SPNS2: variants seen among roughly 807,000 people sequenced by gnomAD.
The protein encoded by SPNS2 is sphingosine-1-phosphate transporter SPNS2.
In SPNS2, 37 loss-of-function variants were observed where a neutral mutation model predicts 57.6. The observed-to-expected ratio is 0.64, with a 90% CI of 0.49 to 0.85. The LOEUF is 0.85. SPNS2 is among the 40% of genes least tolerant of loss of function. The pLI, the probability that SPNS2 is intolerant of heterozygous loss-of-function variation, is 0.00. For synonymous variants in SPNS2, 440 were observed against 346.9 expected, an observed-to-expected ratio of 1.27 and a Z score of -2.98; for missense variants, 831 against 779.1, an observed-to-expected ratio of 1.07 and a Z score of -0.79.
At chr17:4,516,444 C>T (rs970432749) in intron 2 of SPNS2, among the ~76,000 whole-genome samples, 6 of 152,280 alleles carry the variant, frequency 3.9e-5, no homozygotes, top group African/African-American at 7.2e-5. Context: ...CCTGGCAGGC[C>T]GTGTGCTGGG....
chr17:4,522,796 C>G (rs1261818381), intron 2 of SPNS2, among the ~76,000 whole-genome samples: 1 of 152,242 alleles, frequency 6.6e-6, no homozygotes, highest in Non-Finnish European at 1.5e-5. Flanking sequence ...TAGGGTCCAC[C>G]CTACCTTGCT....
chr17:4,534,977 C>T (rs1177390940), intron 9 of SPNS2, among the ~76,000 whole-genome samples: 1 of 152,176 alleles, frequency 6.6e-6, no homozygotes, highest in Non-Finnish European at 1.5e-5. Context: ...GGAAACAGGG[C>T]CACTCGTTTC....
intron 6 of SPNS2, 22 bp downstream of exon 6, chr17:4,532,706 C>T: frequency 6.2e-7 from 1 of 1,610,456 alleles, no homozygotes; most frequent in East Asian, 2.2e-5. Context: ...GGGAAGGGGT[C>T]TGGTGGGAAG....
chr17:4,505,499 A>C (rs1357967284), intron 1 of SPNS2, among the ~76,000 whole-genome samples: 2 of 152,208 alleles, frequency 1.3e-5, no homozygotes, highest in Non-Finnish European at 2.9e-5. Flanking sequence ...CTGTCTACCC[A>C]GTCCTCAGCC....
rs760667115 is a variant in SPNS2, at chr17:4,532,801, C to T, written c.935+117C>T. On this transcript the variant is annotated intron_variant, in intron 6 of 12. Coordinates refer to ENST00000329078, the MANE Select transcript of SPNS2 (RefSeq NM_001124758.3). ...GCCAGACACCCCACCTCTGCTGTCT[C>T]AGTGCTGGGAGGGACATTTTGGCCC... is the stretch of plus-strand genomic sequence containing the variant. 13 of 1,462,890 alleles carry T rather than the reference C, an allele frequency of 8.9e-6. No individual in the cohort carries two copies. In the Middle Eastern group the frequency reaches 1.2e-3, roughly 133 times the overall value. 90.6% of individuals were successfully genotyped at this position (1,462,890 alleles called of 1,614,324 possible).
At chr17:4,502,481 T>C (rs1254944193) in intron 1 of SPNS2, among the ~76,000 whole-genome samples, 5 of 152,210 alleles carry the variant, frequency 3.3e-5, no homozygotes, top group African/African-American at 9.7e-5. Context: ...AGTATGTGTA[T>C]TTTCCATTCA....
chr17:4,534,098 G>A (rs531394819), intron 9 of SPNS2, among the ~76,000 whole-genome samples: 12 of 152,176 alleles, frequency 7.9e-5, no homozygotes, highest in Admixed American at 2.0e-4. Context: ...GGGGCATCTC[G>A]AGGCTCAGGT....
rs577340432 is a variant in SPNS2 at position 4,506,471 on chromosome 17, G to T, written c.371-6776G>T. 7.2e-5 allele frequency among the ~76,000 whole-genome samples: 11 copies of T among 152,302 alleles called. No homozygotes were observed. In the East Asian group the frequency reaches 2.1e-3, roughly 29 times the overall value. ...CCCTGGGCCAGGACAGGGCTGGGGA[G>T]GCTGAGCTGGGGAAGGAGTAGCCGT... On this transcript the variant is annotated intron_variant, in intron 1 of 12. Transcript: ENST00000329078.
intron 9 of SPNS2, among the ~76,000 whole-genome samples, chr17:4,534,835 A>G (rs1905694129): frequency 1.3e-5 from 2 of 152,050 alleles, no homozygotes; most frequent in Admixed American, 1.3e-4. Flanking sequence ...CGTGCAGATT[A>G]AGTGCTCTTG....
rs531741353 is a variant in SPNS2, at chr17:4,536,921, G to A, written c.1629G>A (p.Pro543=). Reference sequence around the variant, plus strand: ...CCAGGGTGAACCAGCTGGCGATGCCGCCCGCATCTGTGAAAGTCTGAGGTG... The same window carrying A: ...CCAGGGTGAACCAGCTGGCGATGCCACCCGCATCTGTGAAAGTCTGAGGTG... The part of the protein sequence containing the change: ...AEQQVNQLAM[P]PASVKV The change falls in exon 12 of 13, where the codon CCG becomes CCA. Residue 543 remains proline (P), a synonymous_variant. Transcript: ENST00000329078. 98 of 1,613,614 alleles carry A rather than the reference G, an allele frequency of 6.1e-5. No individual in the cohort carries two copies. Among genetic ancestry groups the A allele is most frequent in the Admixed American group, 3.5e-4 (21 of 59,952 alleles).
intron 9 of SPNS2, 21 bp from the exon 10 acceptor site, chr17:4,536,055 A>T (rs1490761751): frequency 6.2e-7 from 1 of 1,603,720 alleles, no homozygotes; most frequent in Non-Finnish European, 8.5e-7. Context: ...CTGGCCGCTG[A>T]CCTGCCCGCC....
chr17:4,532,748 C>A, intron 6 of SPNS2, 64 bp downstream of exon 6: 3 of 1,568,402 alleles, frequency 1.9e-6, no homozygotes, highest in South Asian at 1.2e-5. Flanking sequence ...AGGGCCTGTC[C>A]CTGCAGGGCA....
At chr17:4,509,674 C>T (rs755780958) in intron 1 of SPNS2, among the ~76,000 whole-genome samples, 4 of 152,232 alleles carry the variant, frequency 2.6e-5, no homozygotes, top group African/African-American at 4.8e-5. Flanking sequence ...GAGTAGGGGA[C>T]GTTGGCCTCA....
rs146660361 is a variant in SPNS2, at chr17:4,509,038, G to A, written c.371-4209G>A. On this transcript the variant is annotated intron_variant, in intron 1 of 12. Transcript: ENST00000329078. ...GAGGAGGCTGGACGATAAAGCAGAT[G>A]GAGAATCACCGGGGCCCATTCATGA... 8.5e-5 allele frequency among the ~76,000 whole-genome samples: 13 copies of A among 152,332 alleles called. No individual in the cohort carries two copies. The East Asian group carries it at 2.1e-3, about 25-fold the overall frequency.
intron 2 of SPNS2, among the ~76,000 whole-genome samples, chr17:4,514,106 T>G (rs1904923984): frequency 6.6e-6 from 1 of 152,200 alleles, no homozygotes; most frequent in South Asian, 2.1e-4. Flanking sequence ...GCTGAGGCCA[T>G]GTTGGCGATG....
chr17:4,536,353 G>A lies in SPNS2; in HGVS notation c.1534G>A (p.Val512Met), dbSNP rs867873928. 8.1e-6 allele frequency: 13 copies of A among 1,610,754 alleles called. No homozygotes were observed. The highest frequency in any genetic ancestry group is 2.2e-5 in the East Asian group (1 of 44,874). ...CGCGCTCATGCTCTGCCCTTTCGTC[G>A]TGGTCCTGGGCGGCATGTTCTTCCT... The part of the protein sequence containing the change: ...GYALMLCPFV[V>M]VLGGMFFLAT... Residue 512 changes from valine to methionine, a missense_variant, in exon 11 of 13, where the codon GTG becomes ATG. Coordinates refer to ENST00000329078, the MANE Select transcript of SPNS2 (RefSeq NM_001124758.3).
rs1336966117 is a variant in SPNS2, at chr17:4,539,032, A to G, written c.*1584A>G. On this transcript the variant is annotated 3_prime_UTR_variant, in exon 13 of 13. Coordinates refer to ENST00000329078, the MANE Select transcript of SPNS2 (RefSeq NM_001124758.3). ...TAAATGAAGAAATAAACCTATTTAA[A>G]TCACCCCCTGGTGGCTCCCTCACAG... 1 of 892,496 alleles carries G rather than the reference A, an allele frequency of 1.1e-6. No homozygotes were observed. Among genetic ancestry groups the G allele is most frequent in the Non-Finnish European group, 1.9e-6 (1 of 521,484 alleles). The allele number at this position is 892,496 out of a possible 1,614,324, so 55.3% of individuals were successfully genotyped here. A position where few individuals can be genotyped will look rare whatever the true frequency, so the allele number is the denominator to read the frequency against.
chr17:4,533,761 ATGGTGGCTTTGCCTTCTCCC>A lies in SPNS2; in HGVS notation c.1279-26_1279-7del. ...GTTGCTGCGGATGGAGGGACCGCTGATGGTGGCTTTGCCTTCTCCCCGGCAGATCTGTATCTTCGTCGGGG... is the reference window on the plus strand; with the variant it reads ...GTTGCTGCGGATGGAGGGACCGCTGACGGCAGATCTGTATCTTCGTCGGGG... On this transcript the variant is annotated splice_polypyrimidine_tract_variant and splice_region_variant and intron_variant, in intron 8 of 12. Coordinates refer to ENST00000329078, the MANE Select transcript of SPNS2 (RefSeq NM_001124758.3). 1.2e-6 allele frequency: 2 copies of A among 1,613,212 alleles called. No homozygotes were observed. Among genetic ancestry groups the A allele is most frequent in the Non-Finnish European group, 1.7e-6 (2 of 1,179,726 alleles).
chr17:4,514,304 G>A (rs1904930557), intron 2 of SPNS2, among the ~76,000 whole-genome samples: 2 of 152,330 alleles, frequency 1.3e-5, no homozygotes, highest in East Asian at 3.9e-4. Flanking sequence ...TGCAGGATGA[G>A]GTCCCCATGG....
Sources: gnomAD v4.1 joint callset for allele counts (sites outside exome capture counted in the v4.1 genomes callset) on GRCh38, gnomAD v4.1.1 for gene constraint, MANE v1.5 for transcripts, NCBI Gene and HGNC (gene_info 2026-07-23, HGNC 2026-07-21) for gene names.